Variants in CDNF observed in about 807,000 individuals in gnomAD.
CDNF encodes cerebral dopamine neurotrophic factor.
CDNF carries 9 observed loss-of-function variants against 14.8 expected under a neutral mutation model. That is an observed-to-expected ratio of 0.61 (90% CI 0.37 to 1.06). The LOEUF (loss-of-function observed/expected upper bound fraction) is 1.06. Among genes scored for constraint, CDNF ranks in the 50% least tolerant of loss-of-function variants. The probability of loss-of-function intolerance (pLI) is 0.01; values close to 1 mark genes in which losing one functional copy is unlikely to be tolerated. For synonymous variants in CDNF, 86 were observed against 87.2 expected, an observed-to-expected ratio of 0.99 and a Z score of 0.07; for missense variants, 228 against 228.4, an observed-to-expected ratio of 1.00 and a Z score of 0.01.
At chr10:14,827,327 A>T (rs1281024208) in intron 2 of CDNF, among the ~76,000 whole-genome samples, 2 of 152,170 alleles carry the variant, frequency 1.3e-5, no homozygotes, top group Non-Finnish European at 2.9e-5. Flanking sequence ...TGTAACTGAC[A>T]ATCTGACAAT....
In CDNF at chr10:14,826,005, A is replaced by C. The variant is rs368699361; in HGVS notation, c.244-385T>G. On this transcript the variant is annotated intron_variant, in intron 2 of 3. Coordinates refer to ENST00000465530, the MANE Select transcript of CDNF (RefSeq NM_001029954.3). ...GAAGGAGAAGAAGAAGCAGCAGAAG[A>C]AGCAGAAGCAGAAGAAGAAGAAGGA... Among the ~76,000 whole-genome samples, 149 of 132,778 alleles carry C rather than the reference A, an allele frequency of 1.1e-3. 3 individuals carry two copies. The South Asian group carries it at 0.014, about 13-fold the overall frequency. 87.1% of individuals were successfully genotyped at this position (132,778 alleles called of 152,430 possible).
chr10:14,827,140 G>A (rs1564314084), intron 2 of CDNF, among the ~76,000 whole-genome samples: 1 of 151,980 alleles, frequency 6.6e-6, no homozygotes, highest in Non-Finnish European at 1.5e-5. Context: ...AAGCTGAGGT[G>A]GAAGGATCAC....
At position 14,826,092 on chromosome 10, in the gene CDNF, AAGAAGCAGCAGC is replaced by A. The variant is rs1409393051; in HGVS notation, c.244-484_244-473del. 1.9e-3 allele frequency among the ~76,000 whole-genome samples: 214 copies of A among 110,926 alleles called. 1 individual carries two copies. The highest frequency in any genetic ancestry group is 2.7e-3 in the Admixed American group (29 of 10,822). 72.8% of individuals were successfully genotyped at this position (110,926 alleles called of 152,430 possible). A position where few individuals can be genotyped will look rare whatever the true frequency, so the allele number is the denominator to read the frequency against. Reference sequence around the variant, plus strand: ...GAAGAAGAAGAAGAAGAAGAAGAAGAAGAAGCAGCAGCAGCAGCAGCAGCAGCAGCAGAAGCA... The same window carrying A: ...GAAGAAGAAGAAGAAGAAGAAGAAGAAGCAGCAGCAGCAGCAGCAGAAGCA... On this transcript the variant is annotated intron_variant, in intron 2 of 3. Coordinates refer to ENST00000465530, the MANE Select transcript of CDNF (RefSeq NM_001029954.3).
chr10:14,825,426 G>A, intron 3 of CDNF, 53 bp downstream of exon 3: 1 of 1,544,894 alleles, frequency 6.5e-7, no homozygotes, highest in Non-Finnish European at 8.8e-7. Context: ...CCCAACTTTA[G>A]AGGTTTGGGA....
chr10:14,826,482 A>AAAGAAGAAGAAGAAGAAGAAGAAAAAG (rs111933790), intron 2 of CDNF, among the ~76,000 whole-genome samples: 1 of 140,892 alleles, frequency 7.1e-6, no homozygotes, highest in Admixed American at 7.3e-5. Flanking sequence ...AGAAGAAGAA[A>AAAGAAGAAGAAGAAGAAGAAGAAAAAG]AAGAAGAAGA....
intron 3 of CDNF, among the ~76,000 whole-genome samples, chr10:14,824,097 T>C (rs1833759736): frequency 6.6e-6 from 1 of 152,176 alleles, no homozygotes; most frequent in Non-Finnish European, 1.5e-5. Context: ...ACTTAGGTAG[T>C]TGACAGTACT....
In CDNF at chr10:14,837,989, C is replaced by T. The variant is rs1178246662; in HGVS notation, c.-43G>A. 6.9e-6 allele frequency: 10 copies of T among 1,445,608 alleles called. No individual in the cohort carries two copies. The highest frequency in any genetic ancestry group is 9.5e-6 in the Non-Finnish European group (10 of 1,055,328). The allele number at this position is 1,445,608 out of a possible 1,614,324, so 89.5% of individuals were successfully genotyped here. ...AATCGCCTCCGCCACCCGCGCCCAC[C>T]GCCCACCAAGCTGCCAAAGCGAGCT... is the stretch of plus-strand genomic sequence containing the variant. On this transcript the variant is annotated 5_prime_UTR_variant, in exon 1 of 4. Coordinates refer to ENST00000465530, the MANE Select transcript of CDNF (RefSeq NM_001029954.3).
intron 2 of CDNF, among the ~76,000 whole-genome samples, chr10:14,826,046 GAAGAAGAAGAA>G (rs1833780752): frequency 8.2e-6 from 1 of 121,264 alleles, no homozygotes; most frequent in Non-Finnish European, 1.7e-5. Flanking sequence ...AGAAGAAGAA[GAAGAAGAAGAA>G]GAAGAAGAAG....
intron 1 of CDNF, among the ~76,000 whole-genome samples, chr10:14,833,633 T>C (rs997319983): frequency 2.0e-5 from 3 of 152,114 alleles, no homozygotes; most frequent in Non-Finnish European, 2.9e-5. Context: ...AGAAGGCAGC[T>C]AGATATAGAA....
chr10:14,821,979 T>C (rs1311145238), intron 3 of CDNF, among the ~76,000 whole-genome samples: 2 of 152,220 alleles, frequency 1.3e-5, no homozygotes, highest in African/African-American at 2.4e-5. Context: ...CAAAGCACTA[T>C]TGGGTTTTAA....
At chr10:14,832,532 G>T (rs1348145874) in intron 1 of CDNF, among the ~76,000 whole-genome samples, 1 of 152,214 alleles carries the variant, frequency 6.6e-6, no homozygotes, top group Non-Finnish European at 1.5e-5. Context: ...GGATTACAAG[G>T]AAGCAGAAAA....
At chr10:14,833,695 T>C (rs1433568942) in intron 1 of CDNF, among the ~76,000 whole-genome samples, 1 of 151,958 alleles carries the variant, frequency 6.6e-6, no homozygotes, top group East Asian at 1.9e-4. Context: ...CTGGAAGCCA[T>C]CAACATTCAA....
At chr10:14,826,028 G>GAA (rs1564313263) in intron 2 of CDNF, among the ~76,000 whole-genome samples, 46 of 107,208 alleles carry the variant, frequency 4.3e-4, no homozygotes, top group South Asian at 1.2e-3. Context: ...AGAAGAAGAA[G>GAA]GAGAAGAAGA....
intron 2 of CDNF, among the ~76,000 whole-genome samples, chr10:14,826,087 AG>A (rs1833783215): frequency 7.1e-6 from 1 of 140,266 alleles, no homozygotes; most frequent in Non-Finnish European, 1.5e-5. Context: ...AAGAAGAAGA[AG>A]AAGAAGAAGC....
In CDNF at chr10:14,819,348, T is replaced by G. The variant is rs1833716438; in HGVS notation, c.*632A>C. ...GGAATGAAAAAGACCTTGAGCTTGGTTCAATTAACAATGTAAATGTTGATA... is the reference window on the plus strand; with the variant it reads ...GGAATGAAAAAGACCTTGAGCTTGGGTCAATTAACAATGTAAATGTTGATA... On this transcript the variant is annotated 3_prime_UTR_variant, in exon 4 of 4. Coordinates refer to ENST00000465530, the MANE Select transcript of CDNF (RefSeq NM_001029954.3). The G allele has an allele frequency of 6.6e-6, 1 of 152,268 alleles. No individual in the cohort carries two copies. The highest frequency in any genetic ancestry group is 1.5e-5 in the Non-Finnish European group (1 of 68,052). 9.4% of individuals were successfully genotyped at this position (152,268 alleles called of 1,614,324 possible).
At chr10:14,837,777 CTGCTGCGCCGCAGCGCGGG>C in intron 1 of CDNF, 36 bp downstream of exon 1, 1 of 1,109,046 alleles carries the variant, frequency 9.0e-7, no homozygotes. Context: ...AAGCCGACAG[CTGCTGCGCCGCAGCGCGGG>C]GCCGCCGCCA....
At chr10:14,832,818 G>A (rs957456287) in intron 1 of CDNF, among the ~76,000 whole-genome samples, 1 of 150,888 alleles carries the variant, frequency 6.6e-6, no homozygotes, top group Non-Finnish European at 1.5e-5. Flanking sequence ...AGCAGTTTAT[G>A]GTGACAAGCA....
intron 1 of CDNF, among the ~76,000 whole-genome samples, chr10:14,829,747 A>G (rs1833829023): frequency 6.6e-6 from 1 of 152,088 alleles, no homozygotes; most frequent in East Asian, 1.9e-4. Flanking sequence ...CTCCTGCCTC[A>G]GCCCCCCAAG....
At chr10:14,830,770 C>T (rs920107845) in intron 1 of CDNF, among the ~76,000 whole-genome samples, 3 of 151,170 alleles carry the variant, frequency 2.0e-5, no homozygotes, top group East Asian at 1.9e-4. Flanking sequence ...TGCTTGAACC[C>T]GGGAGGCGGA....
Sources: gnomAD v4.1 joint callset for allele counts (sites outside exome capture counted in the v4.1 genomes callset) on GRCh38, gnomAD v4.1.1 for gene constraint, MANE v1.5 for transcripts, NCBI Gene and HGNC (gene_info 2026-07-23, HGNC 2026-07-21) for gene names.